The following ANKRD36 variants were observed in gnomAD, a reference collection of about 807,000 sequenced individuals.
ANKRD36 encodes the protein ankyrin repeat domain 36, also known as ankyrin repeat domain-containing protein 36A.
Under a neutral mutation model 278.1 loss-of-function variants are expected in ANKRD36, and 179 were observed. The observed-to-expected ratio is 0.64, with a 90% confidence interval of 0.57 to 0.73. ANKRD36 has a LOEUF of 0.73. Among genes scored for constraint, ANKRD36 ranks in the 30% least tolerant of loss-of-function variants. The pLI, the probability that ANKRD36 is intolerant of heterozygous loss-of-function variation, is 0.00. For missense variants in ANKRD36, 1,159 were observed against 1,956.7 expected (o/e 0.59, Z 7.69); for synonymous variants, 320 against 641.1 (o/e 0.50, Z 7.57).
At chr2:97,207,715 G>A in intron 52 of ANKRD36, 96 bp from the exon 53 acceptor site, 1 of 1,523,876 alleles carries the variant, frequency 6.6e-7, no homozygotes, top group African/African-American at 1.4e-5. Flanking sequence ...GCTAATACAG[G>A]CAGGAGGACA....
rs1198702114 is a variant in ANKRD36 at position 97,211,671 on chromosome 2, T to C, written c.3399T>C (p.Ala1133=). The change falls in exon 58 of 76, where the codon GCT becomes GCC. Residue 1133 remains alanine (A), a splice_region_variant and synonymous_variant. Coordinates refer to ENST00000420699, the MANE Select transcript of ANKRD36 (RefSeq NM_001354587.1). ...GTTTTGTTTCAAATTCTATTCAGGC[T>C]ATCTGTGACAAGGAAGATTCTGTTC... is the stretch of plus-strand genomic sequence containing the variant. ...VSSPKQPALK[A]ICDKEDSVPN... is the part of the protein sequence containing the mutation. The C allele has an allele frequency of 2.5e-6, 4 of 1,593,676 alleles. No homozygotes were observed. The highest frequency in any genetic ancestry group is 2.7e-5 in the African/African-American group (2 of 74,120).
At chr2:97,114,337 G>C (rs1343638294) in intron 1 of ANKRD36, among the ~76,000 whole-genome samples, 1 of 110,474 alleles carries the variant, frequency 9.1e-6, no homozygotes, top group Non-Finnish European at 1.9e-5. Context: ...GCAGAGGTGA[G>C]GGGGGCGAGT....
intron 58 of ANKRD36, 90 bp downstream of exon 58, chr2:97,211,831 C>G: frequency 5.8e-6 from 8 of 1,389,170 alleles, no homozygotes; most frequent in Non-Finnish European, 7.9e-6. Flanking sequence ...GTTCGTCAAG[C>G]CTTCATGTTC....
At chr2:97,195,863 A>G (rs1223890015) in intron 40 of ANKRD36, among the ~76,000 whole-genome samples, 3 of 151,952 alleles carry the variant, frequency 2.0e-5, no homozygotes, top group African/African-American at 4.8e-5. Flanking sequence ...TGGCAGTTTT[A>G]CTTTGTAGAA....
chr2:97,199,952 G>T (rs1233044586), intron 44 of ANKRD36, among the ~76,000 whole-genome samples: 1 of 151,986 alleles, frequency 6.6e-6, no homozygotes. Flanking sequence ...CTCTTAATTT[G>T]TTGCATGAAA....
chr2:97,136,011 A>C (rs2041396115), intron 6 of ANKRD36, among the ~76,000 whole-genome samples: 1 of 151,882 alleles, frequency 6.6e-6, no homozygotes, highest in Admixed American at 6.6e-5. Flanking sequence ...TGATTGACTT[A>C]TGGCAGGCAG....
chr2:97,225,629 T>TTTA (rs1175980125), intron 67 of ANKRD36, among the ~76,000 whole-genome samples: 1 of 152,122 alleles, frequency 6.6e-6, no homozygotes. Flanking sequence ...CTTTTTTTAT[T>TTTA]TTATTATTAT....
At chr2:97,194,667 G>C (rs1165331543) in intron 38 of ANKRD36, 59 bp from the exon 39 acceptor site, 35 of 1,594,632 alleles carry the variant, frequency 2.2e-5, no homozygotes, top group Middle Eastern at 2.3e-4. Context: ...CTGTGTGAAT[G>C]TATGGATAAC....
In ANKRD36 at chr2:97,158,574, T is replaced by C; in HGVS notation, c.1322-14T>C. 1.3e-6 allele frequency: 2 copies of C among 1,535,572 alleles called. No homozygotes were observed. Among genetic ancestry groups the C allele is most frequent in the Non-Finnish European group, 1.7e-6 (2 of 1,146,432 alleles). ...CATGCATTTCATCTACTCTTGACTT[T>C]GTTTTTACTGTAGTAGATGCTGCAT... is the stretch of plus-strand genomic sequence containing the variant. On this transcript the variant is annotated splice_polypyrimidine_tract_variant and intron_variant, in intron 16 of 75. Coordinates refer to ENST00000420699, the MANE Select transcript of ANKRD36 (RefSeq NM_001354587.1).
chr2:97,207,113 A>G (rs1458344312), intron 52 of ANKRD36, among the ~76,000 whole-genome samples: 1 of 151,564 alleles, frequency 6.6e-6, no homozygotes, highest in Non-Finnish European at 1.5e-5. Flanking sequence ...TTGATAATTG[A>G]TGATATTTTT....
At chr2:97,196,958 A>G (rs2059935795) in intron 42 of ANKRD36, among the ~76,000 whole-genome samples, 170 bp downstream of exon 42, 1 of 151,928 alleles carries the variant, frequency 6.6e-6, no homozygotes, top group Non-Finnish European at 1.5e-5. Context: ...CTGGTCTGGA[A>G]CATGATCTTC....
intron 3 of ANKRD36, among the ~76,000 whole-genome samples, chr2:97,121,819 T>C (rs1258415738): frequency 6.6e-6 from 1 of 151,828 alleles, no homozygotes; most frequent in African/African-American, 2.4e-5. Flanking sequence ...AGAATACAAA[T>C]AGATTTTTAA....
At chr2:97,176,721 T>G (rs1559491450) in intron 22 of ANKRD36, among the ~76,000 whole-genome samples, 2 of 151,560 alleles carry the variant, frequency 1.3e-5, no homozygotes, top group African/African-American at 2.4e-5. Context: ...TTCCTAGTCT[T>G]GATGGTTTTT....
chr2:97,204,341 G>C lies in ANKRD36; in HGVS notation c.3061+78G>C, dbSNP rs1349487459. 85 of 1,448,766 alleles carry C rather than the reference G, an allele frequency of 5.9e-5. No individual in the cohort carries two copies. The Middle Eastern group carries it at 1.0e-3, about 17-fold the overall frequency. The allele number at this position is 1,448,766 out of a possible 1,614,324, so 89.7% of individuals were successfully genotyped here. ...TCTCTTCCCTGAATAAATCAGCGGG[G>C]GGCTCGTTGAAGCTGCACATTCTGA... On this transcript the variant is annotated intron_variant, in intron 50 of 75. Transcript: ENST00000420699.
rs778391585 is a variant in ANKRD36, at chr2:97,155,155, CTTA to C, written c.1260+419_1260+421del. The stretch of plus-strand genomic sequence containing the variant: ...AATGAATCTTTGTTACATCAGATGA[CTTA>C]TTATGGGAATCATGGAATCACCCTG... On this transcript the variant is annotated intron_variant, in intron 15 of 75. Transcript: ENST00000420699. Among the ~76,000 whole-genome samples, 116 of 139,120 alleles carry C rather than the reference CTTA, an allele frequency of 8.3e-4. 10 individuals are homozygous for C. Among genetic ancestry groups the C allele is most frequent in the Non-Finnish European group, 1.6e-3 (100 of 60,668 alleles). 91.3% of individuals were successfully genotyped at this position (139,120 alleles called of 152,430 possible). A position where few individuals can be genotyped will look rare whatever the true frequency, so the allele number is the denominator to read the frequency against.
intron 15 of ANKRD36, among the ~76,000 whole-genome samples, chr2:97,156,033 A>G (rs2047341885): frequency 6.8e-6 from 1 of 146,034 alleles, no homozygotes; most frequent in African/African-American, 2.4e-5. Flanking sequence ...TTATCCTGAG[A>G]AAATATGTTA....
At chr2:97,203,491 T>A (rs1035321429) in intron 48 of ANKRD36, among the ~76,000 whole-genome samples, 1 of 151,836 alleles carries the variant, frequency 6.6e-6, no homozygotes, top group African/African-American at 2.4e-5. Flanking sequence ...CATATGGGGG[T>A]GAGAGATAAT....
chr2:97,113,551 C>A lies in ANKRD36; in HGVS notation c.-189C>A. 1.5e-6 allele frequency: 1 copy of A among 667,338 alleles called. No homozygotes were observed. The highest frequency in any genetic ancestry group is 1.8e-5 in the African/African-American group (1 of 55,112). 41.3% of individuals were successfully genotyped at this position (667,338 alleles called of 1,614,324 possible). A position where few individuals can be genotyped will look rare whatever the true frequency, so the allele number is the denominator to read the frequency against. The stretch of plus-strand genomic sequence containing the variant: ...CTGCCTCGGGCCTGTTGGGCAGGGC[C>A]GGCTAAGGTGCGCGTGCTCGCTGGT... On this transcript the variant is annotated 5_prime_UTR_variant, in exon 1 of 76. Coordinates refer to ENST00000420699, the MANE Select transcript of ANKRD36 (RefSeq NM_001354587.1).
At chr2:97,138,656 T>G (rs1292677761) in intron 6 of ANKRD36, among the ~76,000 whole-genome samples, 35 of 152,022 alleles carry the variant, frequency 2.3e-4, no homozygotes, top group South Asian at 2.1e-3. Context: ...GAACAAATTT[T>G]GAGGCATCAT....
Sources: gnomAD v4.1 joint callset for allele counts (sites outside exome capture counted in the v4.1 genomes callset) on GRCh38, gnomAD v4.1.1 for gene constraint, MANE v1.5 for transcripts, NCBI Gene and HGNC (gene_info 2026-07-23, HGNC 2026-07-21) for gene names.